EFHB: variants seen among roughly 807,000 people sequenced by gnomAD.
EFHB encodes EF-hand domain family member B.
Under a neutral mutation model 87.2 loss-of-function variants are expected in EFHB, and 91 were observed. That is an observed-to-expected ratio of 1.04 (90% CI 0.88 to 1.24). The LOEUF (loss-of-function observed/expected upper bound fraction) is 1.24, where lower values mean the gene tolerates loss of function less well. EFHB is among the 50% of genes most tolerant of loss of function. The pLI is 0.00. For missense variants in EFHB, 1,084 were observed against 998.8 expected (o/e 1.09, Z -1.15); for synonymous variants, 325 against 333.6 (o/e 0.97, Z 0.28).
chr3:19,888,346 G>A, intron 10 of EFHB, 98 bp downstream of exon 10: 2 of 623,242 alleles, frequency 3.2e-6, no homozygotes, highest in Non-Finnish European at 4.3e-6. Context: ...GGACCAGCCT[G>A]GGCAACATAG....
At chr3:19,926,567 G>A (rs888055842) in intron 1 of EFHB, among the ~76,000 whole-genome samples, 4 of 152,026 alleles carry the variant, frequency 2.6e-5, no homozygotes, top group Admixed American at 1.3e-4. Context: ...GCTTCACTGT[G>A]TTAGCCGGGA....
At position 19,896,786 on chromosome 3, in the gene EFHB, A is replaced by T; in HGVS notation, c.1626T>A (p.Asp542Glu). Reference protein sequence around the residue: ...RLPDEYLRGKDRQRALIAAVR... With the variant: ...RLPDEYLRGKERQRALIAAVR... ...CTGCTGCAATCAGGGCTCGCTGTCT[A>T]TCCTTGCCTCGAAGATATTCATCCG... Residue 542 changes from aspartate to glutamate, a missense_variant, in exon 9 of 13, where the codon GAT becomes GAA. By Grantham distance (45) the Asp-to-Glu change is conservative (BLOSUM62 2). Transcript: ENST00000295824. 6.2e-7 allele frequency: 1 copy of T among 1,614,022 alleles called. No individual in the cohort carries two copies. The highest frequency in any genetic ancestry group is 8.5e-7 in the Non-Finnish European group (1 of 1,179,900).
At chr3:19,898,347 A>G (rs2125129821) in intron 8 of EFHB, among the ~76,000 whole-genome samples, 1 of 152,318 alleles carries the variant, frequency 6.6e-6, no homozygotes, top group Non-Finnish European at 1.5e-5. Context: ...TTCTGATTCA[A>G]TAGTTCTGGG....
chr3:19,930,100 G>C (rs1430280876), intron 1 of EFHB, among the ~76,000 whole-genome samples: 1 of 152,194 alleles, frequency 6.6e-6, no homozygotes, highest in African/African-American at 2.4e-5. Flanking sequence ...TATTAATATA[G>C]TAAGCCACCA....
rs531429834 is a variant in EFHB, at chr3:19,914,867, A to T, written c.1288+436T>A. Among the ~76,000 whole-genome samples, 12 of 152,138 alleles carry T rather than the reference A, an allele frequency of 7.9e-5. No homozygotes were observed. In the South Asian group the frequency reaches 2.5e-3, roughly 32 times the overall value. ...CACTTTCGGAGGCCAAGGTGGGAGG[A>T]TCGCTTGAGCTCAGGAGTTTCAGAA... On this transcript the variant is annotated intron_variant, in intron 5 of 12. Transcript: ENST00000295824.
intron 5 of EFHB, among the ~76,000 whole-genome samples, chr3:19,907,064 G>A (rs754707987): frequency 2.0e-5 from 3 of 149,962 alleles, no homozygotes; most frequent in East Asian, 1.9e-4. Flanking sequence ...AAAACTAAAC[G>A]TTAAGACCTG....
chr3:19,939,282 C>T (rs1696094243), intron 1 of EFHB, among the ~76,000 whole-genome samples: 1 of 151,500 alleles, frequency 6.6e-6, no homozygotes, highest in Non-Finnish European at 1.5e-5. Flanking sequence ...CCTCTGCCCT[C>T]CTTGCCTGGT....
intron 10 of EFHB, among the ~76,000 whole-genome samples, chr3:19,886,318 C>T (rs1241180249): frequency 6.6e-6 from 1 of 152,136 alleles, no homozygotes; most frequent in Non-Finnish European, 1.5e-5. Flanking sequence ...GTTTTGACTT[C>T]ACAGAAAGGC....
At chr3:19,942,334 G>C (rs1222778369) in intron 1 of EFHB, 1 of 153,116 alleles carries the variant, frequency 6.5e-6, no homozygotes, top group African/African-American at 2.4e-5. Context: ...TTGATGCTGA[G>C]AATCATTAAA....
upstream of EFHB, among the ~76,000 whole-genome samples, chr3:19,939,063 T>C (rs944691689): frequency 2.0e-5 from 3 of 151,088 alleles, no homozygotes; most frequent in Admixed American, 6.6e-5. Flanking sequence ...CCCGCCACCA[T>C]GCCCAGCTAA....
intron 1 of EFHB, among the ~76,000 whole-genome samples, chr3:19,945,446 A>C (rs1025348213): frequency 3.9e-5 from 6 of 152,144 alleles, no homozygotes; most frequent in Admixed American, 2.0e-4. Context: ...TTAGACTTCA[A>C]ATTTGGGGAT....
chr3:19,945,187 T>C (rs1559482106), intron 1 of EFHB, among the ~76,000 whole-genome samples: 1 of 152,090 alleles, frequency 6.6e-6, no homozygotes, highest in South Asian at 2.1e-4. Context: ...ACAGGCAATA[T>C]TCAGGGAACA....
At chr3:19,899,282 T>C (rs1337595992) in intron 7 of EFHB, 150 bp downstream of exon 7, 4 of 565,584 alleles carry the variant, frequency 7.1e-6, no homozygotes, top group South Asian at 8.2e-5. Flanking sequence ...CCAAATTCTA[T>C]AGATATTAAC....
In EFHB at chr3:19,933,317, T is replaced by G; in HGVS notation, c.702A>C (p.Gly234=). Residue 234 remains glycine, a synonymous_variant, in exon 1 of 13, where the codon GGA becomes GGC. Transcript: ENST00000295824. ...AQQHEQRKEA[G]NIESGVEPPD... ...GAGGTTCCACTCCTGATTCAATGTT[T>G]CCAGCCTCCTTTCTCTGTTCATGTT... is the stretch of plus-strand genomic sequence containing the variant. The G allele has an allele frequency of 1.2e-6, 2 of 1,613,990 alleles. No homozygotes were observed. The highest frequency in any genetic ancestry group is 1.7e-6 in the Non-Finnish European group (2 of 1,179,876).
At chr3:19,944,255 A>T (rs1696222440) in intron 1 of EFHB, among the ~76,000 whole-genome samples, 1 of 152,220 alleles carries the variant, frequency 6.6e-6, no homozygotes, top group Admixed American at 6.5e-5. Flanking sequence ...ATTTCCTGGA[A>T]GAGAAGGAAA....
At chr3:19,936,348 AAG>A (rs1553636139), upstream of EFHB, 2 of 548,248 alleles carry the variant, frequency 3.6e-6, no homozygotes, top group African/African-American at 3.9e-5. Flanking sequence ...AAAAAAAAAA[AAG>A]TCCAGGAGTT....
At chr3:19,918,185 A>G in intron 4 of EFHB, 47 bp downstream of exon 4, 4 of 1,467,754 alleles carry the variant, frequency 2.7e-6, no homozygotes, top group Non-Finnish European at 3.7e-6. Flanking sequence ...TTCCAAAGAG[A>G]CTTATTTTAC....
In EFHB at chr3:19,896,460, C is replaced by T. The variant is rs971067122; in HGVS notation, c.1725+227G>A. ...AATATTTTAGGTTTTGAAGGCCATA[C>T]AGTTTTTGTTGCTACTACCTAACTC... On this transcript the variant is annotated intron_variant, in intron 9 of 12. Transcript: ENST00000295824. 1.1e-5 allele frequency: 7 copies of T among 614,918 alleles called. No homozygotes were observed. In the African/African-American group the frequency reaches 1.3e-4, roughly 11 times the overall value. The allele number at this position is 614,918 out of a possible 1,614,324, so 38.1% of individuals were successfully genotyped here.
chr3:19,922,780 T>C lies in EFHB; in HGVS notation c.790-2213A>G, dbSNP rs1695482220. On this transcript the variant is annotated intron_variant, in intron 1 of 12. Transcript: ENST00000295824. ...GATGGTGATAACAGTACCAACCTCA[T>C]AGAGATCGTTGAGAATTAAATGAGT... is the stretch of plus-strand genomic sequence containing the variant. Among the ~76,000 whole-genome samples, 5 of 152,214 alleles carry C rather than the reference T, an allele frequency of 3.3e-5. No individual in the cohort carries two copies. The South Asian group carries it at 1.0e-3, about 31-fold the overall frequency.
Sources: gnomAD v4.1 joint callset for allele counts (sites outside exome capture counted in the v4.1 genomes callset) on GRCh38, gnomAD v4.1.1 for gene constraint, MANE v1.5 for transcripts, NCBI Gene and HGNC (gene_info 2026-07-23, HGNC 2026-07-21) for gene names.